Variants in GRIA1 observed in about 807,000 individuals in gnomAD.
The protein encoded by GRIA1 is glutamate ionotropic receptor AMPA type subunit 1.
GRIA1 carries 31 observed loss-of-function variants against 99.2 expected under a neutral mutation model. That is an observed-to-expected ratio of 0.31 (90% CI 0.23 to 0.42). The LOEUF (loss-of-function observed/expected upper bound fraction) is 0.42, where lower values mean the gene tolerates loss of function less well. Among genes scored for constraint, GRIA1 ranks in the 10% least tolerant of loss-of-function variants. GRIA1 has a pLI of 1.00. For synonymous variants in GRIA1, 438 were observed against 432.4 expected (o/e 1.01, Z -0.16); for missense variants, 782 against 1,157.5 (o/e 0.68, Z 4.71).
At chr5:153,713,128 G>A (rs60363781) in intron 11 of GRIA1, among the ~76,000 whole-genome samples, 3,404 of 152,296 alleles carry the variant, frequency 0.022, 117 homozygotes, top group African/African-American at 0.069. Flanking sequence ...CCCAGGGTCC[G>A]CCAGCTCACT....
chr5:153,560,086 A>T (rs1760993126), intron 2 of GRIA1, among the ~76,000 whole-genome samples: 2 of 152,180 alleles, frequency 1.3e-5, no homozygotes, highest in African/African-American at 4.8e-5. Flanking sequence ...GTAAATGGAA[A>T]AGCTGGGGAA....
At chr5:153,571,205 T>C (rs1048735405) in intron 2 of GRIA1, among the ~76,000 whole-genome samples, 6 of 152,182 alleles carry the variant, frequency 3.9e-5, no homozygotes, top group Non-Finnish European at 8.8e-5. Context: ...TGACCAAAAC[T>C]ATATCCAGAT....
chr5:153,504,219 A>C (rs1755271525), intron 2 of GRIA1, among the ~76,000 whole-genome samples: 1 of 152,034 alleles, frequency 6.6e-6, no homozygotes, highest in Non-Finnish European at 1.5e-5. Context: ...AAGCCAGCCC[A>C]CCAAAACCAT....
In GRIA1 at chr5:153,706,023, C is replaced by T. The variant is rs1431730500; in HGVS notation, c.1779C>T (p.Phe593=). 1 of 1,613,710 alleles carries T rather than the reference C, an allele frequency of 6.2e-7. No homozygotes were observed. Residue 593 remains phenylalanine, a synonymous_variant, in exon 11 of 16, where the codon TTC becomes TTT. Coordinates refer to ENST00000285900, the MANE Select transcript of GRIA1 (RefSeq NM_000827.4). ...NEFGIFNSLW[F]SLGAFMQQGC... ...TTGGGATATTCAACAGTTTGTGGTT[C>T]TCCCTGGGAGCCTTCATGCAGCAAG...
chr5:153,797,430 T>A (rs1322609328), intron 14 of GRIA1, among the ~76,000 whole-genome samples: 1 of 152,182 alleles, frequency 6.6e-6, no homozygotes, highest in Non-Finnish European at 1.5e-5. Context: ...AACAAAAGTG[T>A]TTCTTTTAAA....
chr5:153,722,475 T>C (rs1172548562), intron 11 of GRIA1, among the ~76,000 whole-genome samples: 1 of 152,262 alleles, frequency 6.6e-6, no homozygotes, highest in African/African-American at 2.4e-5. Context: ...CTAGGTGTTC[T>C]ATAGGTATGT....
chr5:153,768,635 A>G (rs139400005), intron 12 of GRIA1, among the ~76,000 whole-genome samples: 16 of 152,294 alleles, frequency 1.1e-4, no homozygotes, highest in African/African-American at 3.8e-4. Flanking sequence ...GCTGACTCAA[A>G]TGACAATTGT....
chr5:153,792,206 T>C (rs761654209), intron 13 of GRIA1, among the ~76,000 whole-genome samples: 14 of 152,196 alleles, frequency 9.2e-5, no homozygotes, highest in Non-Finnish European at 1.9e-4. Context: ...GATTGTGAGA[T>C]CATGAGCCCA....
At position 153,705,798 on chromosome 5, in the gene GRIA1, T is replaced by C; in HGVS notation, c.1554T>C (p.Ile518=). The change falls in exon 11 of 16, where the codon ATT becomes ATC. Residue 518 remains isoleucine, a synonymous_variant. Coordinates refer to ENST00000285900, the MANE Select transcript of GRIA1 (RefSeq NM_000827.4). ...PFMSLGISIM[I]KKPQKSKPGV... ...TGAGTTTGGGGATCTCCATCATGATTAAAAAACCACAGAAATCCAAGCCGG... is the reference window on the plus strand; with the variant it reads ...TGAGTTTGGGGATCTCCATCATGATCAAAAAACCACAGAAATCCAAGCCGG... 6.2e-7 allele frequency: 1 copy of C among 1,609,508 alleles called. No homozygotes were observed. The highest frequency in any genetic ancestry group is 8.5e-7 in the Non-Finnish European group (1 of 1,177,706).
At chr5:153,616,494 A>G (rs1581337632) in intron 2 of GRIA1, among the ~76,000 whole-genome samples, 1 of 152,142 alleles carries the variant, frequency 6.6e-6, no homozygotes, top group East Asian at 1.9e-4. Flanking sequence ...CAAAAAAAAA[A>G]TCTCATAATG....
At chr5:153,767,603 A>T (rs530085526) in intron 12 of GRIA1, among the ~76,000 whole-genome samples, 1 of 152,132 alleles carries the variant, frequency 6.6e-6, no homozygotes, top group East Asian at 1.9e-4. Context: ...GGGTGGGGAG[A>T]TAAGGTTACC....
At chr5:153,652,320 G>A (rs968773064) in intron 4 of GRIA1, among the ~76,000 whole-genome samples, 1 of 152,224 alleles carries the variant, frequency 6.6e-6, no homozygotes, top group African/African-American at 2.4e-5. Flanking sequence ...GGTACAGACA[G>A]TAGCTATTAC....
At chr5:153,502,166 G>A (rs1026583453) in intron 2 of GRIA1, among the ~76,000 whole-genome samples, 1 of 151,992 alleles carries the variant, frequency 6.6e-6, no homozygotes, top group Non-Finnish European at 1.5e-5. Context: ...CAATGGTCAC[G>A]CTTATCCCCA....
intron 2 of GRIA1, among the ~76,000 whole-genome samples, chr5:153,635,981 A>G (rs556218021): frequency 3.3e-5 from 5 of 152,300 alleles, no homozygotes; most frequent in African/African-American, 1.2e-4. Context: ...GTTGCAGTCT[A>G]TCTGTGAGCT....
rs571576974 is a variant in GRIA1, at chr5:153,596,986, G to A, written c.221-49942G>A. ...CTCTGGGAATGGTCTGAGCTCACCCGGTCCCGTGGCCTCCCCAGGCATTCT... is the reference window on the plus strand; with the variant it reads ...CTCTGGGAATGGTCTGAGCTCACCCAGTCCCGTGGCCTCCCCAGGCATTCT... On this transcript the variant is annotated intron_variant, in intron 2 of 15. Transcript: ENST00000285900. Among the ~76,000 whole-genome samples the A allele has an allele frequency of 5.3e-5, 8 of 152,268 alleles. No individual in the cohort carries two copies. The East Asian group carries it at 5.8e-4, about 11-fold the overall frequency.
chr5:153,526,913 G>A (rs1757652294), intron 2 of GRIA1, among the ~76,000 whole-genome samples: 1 of 152,200 alleles, frequency 6.6e-6, no homozygotes, highest in African/African-American at 2.4e-5. Context: ...AATGGAAATA[G>A]TAATACTACC....
chr5:153,686,166 A>G (rs2149496903), intron 7 of GRIA1, 59 bp from the exon 8 acceptor site: 1 of 1,255,118 alleles, frequency 8.0e-7, no homozygotes, highest in Non-Finnish European at 1.2e-6. Context: ...CAGTGGAAAA[A>G]GCAAACACAC....
intron 2 of GRIA1, among the ~76,000 whole-genome samples, chr5:153,532,546 T>C (rs937003846): frequency 6.6e-6 from 1 of 152,212 alleles, no homozygotes; most frequent in Non-Finnish European, 1.5e-5. Context: ...TTGGAACGTG[T>C]GCTCTTCAGT....
intron 2 of GRIA1, among the ~76,000 whole-genome samples, chr5:153,602,419 T>C (rs999756685): frequency 1.6e-4 from 24 of 151,968 alleles, no homozygotes; most frequent in African/African-American, 5.8e-4. Flanking sequence ...TTAGGAGATA[T>C]ACCTAATGCT....
Sources: gnomAD v4.1 joint callset for allele counts (sites outside exome capture counted in the v4.1 genomes callset) on GRCh38, gnomAD v4.1.1 for gene constraint, MANE v1.5 for transcripts, NCBI Gene and HGNC (gene_info 2026-07-23, HGNC 2026-07-21) for gene names.